The following CDH12 variants were observed in gnomAD, a reference collection of about 807,000 sequenced individuals.
CDH12 encodes cadherin-12.
In CDH12, 41 loss-of-function variants were observed where a neutral mutation model predicts 74.1. The observed-to-expected ratio is 0.55, with a 90% CI of 0.43 to 0.72. The LOEUF is 0.72. Ranked by LOEUF, CDH12 falls within the 30% of genes least tolerant of loss-of-function variation. The probability of loss-of-function intolerance (pLI) is 0.00; values close to 1 mark genes in which losing one functional copy is unlikely to be tolerated. For missense variants in CDH12, 945 were observed against 977.2 expected, an observed-to-expected ratio of 0.97 and a Z score of 0.44; for synonymous variants, 399 against 355.0, an observed-to-expected ratio of 1.12 and a Z score of -1.39.
intron 3 of CDH12, among the ~76,000 whole-genome samples, chr5:22,387,104 C>A (rs1030368274): frequency 1.1e-4 from 17 of 151,916 alleles, no homozygotes; most frequent in Non-Finnish European, 2.2e-4. Context: ...TTCTTTTCTA[C>A]AAACTGATGA....
At chr5:22,079,506 G>A (rs1212587360) in intron 4 of CDH12, among the ~76,000 whole-genome samples, 3 of 152,168 alleles carry the variant, frequency 2.0e-5, no homozygotes, top group Admixed American at 6.5e-5. Flanking sequence ...ATTATTAAAT[G>A]TAAAAGCGAA....
intron 1 of CDH12, among the ~76,000 whole-genome samples, chr5:22,537,413 T>C (rs916390809): frequency 6.6e-6 from 1 of 152,194 alleles, no homozygotes; most frequent in Non-Finnish European, 1.5e-5. Context: ...CATCACTATC[T>C]TGGACGAGCA....
At chr5:22,734,026 C>T (rs138625043) in intron 1 of CDH12, among the ~76,000 whole-genome samples, 1 of 151,978 alleles carries the variant, frequency 6.6e-6, no homozygotes, top group Non-Finnish European at 1.5e-5. Flanking sequence ...CTCTGCAGAC[C>T]TGGGTGTGGT....
At chr5:22,788,698 CTA>C (rs1747765948) in intron 1 of CDH12, among the ~76,000 whole-genome samples, 1 of 147,978 alleles carries the variant, frequency 6.8e-6, no homozygotes, top group Non-Finnish European at 1.5e-5. Context: ...AATTATGAAA[CTA>C]TAATTATATA....
intron 1 of CDH12, among the ~76,000 whole-genome samples, chr5:22,768,140 T>A (rs1746618554): frequency 1.3e-5 from 2 of 152,154 alleles, no homozygotes; most frequent in South Asian, 4.1e-4. Flanking sequence ...TCACTACAGC[T>A]ACTTAATCTC....
At chr5:21,850,066 G>A (rs1750380632) in intron 7 of CDH12, among the ~76,000 whole-genome samples, 1 of 151,560 alleles carries the variant, frequency 6.6e-6, no homozygotes, top group Non-Finnish European at 1.5e-5. Context: ...TAAAAATATT[G>A]TGTGATCTTA....
rs183889247 is a variant in CDH12, at chr5:21,888,096, T to C, written c.527-33306A>G. Among the ~76,000 whole-genome samples the C allele has an allele frequency of 1.0e-3, 158 of 152,188 alleles. 3 individuals are homozygous for C. The highest frequency in any genetic ancestry group is 9.6e-3 in the Admixed American group (146 of 15,284). On this transcript the variant is annotated intron_variant, in intron 6 of 14. Transcript: ENST00000382254. The stretch of plus-strand genomic sequence containing the variant: ...AAAAGACTGCTACATTAGCCGGGCC[T>C]GGGGTAGTAACATGCAGGCAAAAAA...
chr5:21,868,695 G>T, intron 6 of CDH12, among the ~76,000 whole-genome samples: 1 of 152,166 alleles, frequency 6.6e-6, no homozygotes, highest in African/African-American at 2.4e-5. Context: ...TTGTATTTTG[G>T]AAGCAGGTAA....
intron 1 of CDH12, among the ~76,000 whole-genome samples, chr5:22,759,301 C>G: frequency 6.6e-6 from 1 of 152,160 alleles, no homozygotes; most frequent in Non-Finnish European, 1.5e-5. Context: ...TCTTCAACCT[C>G]TAGTATACAC....
At chr5:22,160,190 T>C (rs1391241115) in intron 4 of CDH12, among the ~76,000 whole-genome samples, 1 of 152,180 alleles carries the variant, frequency 6.6e-6, no homozygotes, top group Non-Finnish European at 1.5e-5. Context: ...GAAAATAGAT[T>C]CAGTCTGGCA....
chr5:21,847,570 C>A (rs1370324476), intron 7 of CDH12, among the ~76,000 whole-genome samples: 2 of 152,030 alleles, frequency 1.3e-5, no homozygotes, highest in African/African-American at 4.8e-5. Context: ...GTTTTCATAT[C>A]TTTTTCTGAC....
At position 22,096,951 on chromosome 5, in the gene CDH12, A is replaced by G. The variant is rs191675926; in HGVS notation, c.-186-18089T>C. On this transcript the variant is annotated intron_variant, in intron 4 of 14. Transcript: ENST00000382254. The stretch of plus-strand genomic sequence containing the variant: ...CTTAACCTCACCTTCAAGGTATGCA[A>G]TAATAGAGTAGAGGCAGCCAAGTAG... Among the ~76,000 whole-genome samples, 27 of 152,296 alleles carry G rather than the reference A, an allele frequency of 1.8e-4. No individual in the cohort carries two copies. In the East Asian group the frequency reaches 5.2e-3, roughly 29 times the overall value.
At chr5:22,735,190 C>A (rs995711477) in intron 1 of CDH12, among the ~76,000 whole-genome samples, 1 of 151,852 alleles carries the variant, frequency 6.6e-6, no homozygotes, top group South Asian at 2.1e-4. Flanking sequence ...ATAATACAAA[C>A]CTATGTGATA....
intron 13 of CDH12, among the ~76,000 whole-genome samples, chr5:21,759,968 A>ACAC (rs1744622780): frequency 6.6e-6 from 1 of 152,136 alleles, no homozygotes. Context: ...TAGTTTGCTA[A>ACAC]AGATAATAGC....
intron 1 of CDH12, among the ~76,000 whole-genome samples, chr5:22,553,008 GT>G (rs1331797689): frequency 3.3e-5 from 5 of 151,824 alleles, no homozygotes; most frequent in African/African-American, 1.2e-4. Context: ...CTTTTAATGG[GT>G]AGGCATTTCT....
chr5:21,963,581 G>T (rs1756455277), intron 6 of CDH12, among the ~76,000 whole-genome samples: 1 of 151,902 alleles, frequency 6.6e-6, no homozygotes, highest in Non-Finnish European at 1.5e-5. Context: ...TATATATGTT[G>T]CCCAGTCTTA....
chr5:22,327,281 C>T (rs1739152183), intron 3 of CDH12, among the ~76,000 whole-genome samples: 1 of 151,916 alleles, frequency 6.6e-6, no homozygotes, highest in Non-Finnish European at 1.5e-5. Context: ...CCCAAAGACA[C>T]AAAGTCATTT....
intron 4 of CDH12, among the ~76,000 whole-genome samples, chr5:22,168,047 C>G (rs1444560401): frequency 6.6e-6 from 1 of 152,010 alleles, no homozygotes; most frequent in Non-Finnish European, 1.5e-5. Flanking sequence ...TTCATGGCAC[C>G]CAAGGTGAGA....
chr5:22,807,474 A>G (rs776580046), intron 1 of CDH12, among the ~76,000 whole-genome samples: 1 of 152,182 alleles, frequency 6.6e-6, no homozygotes, highest in Non-Finnish European at 1.5e-5. Flanking sequence ...TAATAGACTA[A>G]AAGATACTAC....
Sources: gnomAD v4.1 joint callset for allele counts (sites outside exome capture counted in the v4.1 genomes callset) on GRCh38, gnomAD v4.1.1 for gene constraint, MANE v1.5 for transcripts, NCBI Gene and HGNC (gene_info 2026-07-23, HGNC 2026-07-21) for gene names.